The following FCER1A variants were observed in gnomAD, a reference collection of about 807,000 sequenced individuals.
FCER1A encodes high affinity immunoglobulin epsilon receptor subunit alpha.
In FCER1A, 24 loss-of-function variants were observed where a neutral mutation model predicts 23.6. That is an observed-to-expected ratio of 1.02 (90% CI 0.74 to 1.43). The LOEUF is 1.43. Among genes scored for constraint, FCER1A ranks in the 40% most tolerant of loss-of-function variants. FCER1A has a pLI of 0.00. For synonymous variants in FCER1A, 121 were observed against 108.8 expected, an observed-to-expected ratio of 1.11 and a Z score of -0.70; for missense variants, 318 against 294.5, an observed-to-expected ratio of 1.08 and a Z score of -0.58.
intron 2 of FCER1A, among the ~76,000 whole-genome samples, chr1:159,303,699 TCTC>T (rs760596208): frequency 1.3e-5 from 2 of 152,202 alleles, no homozygotes; most frequent in Non-Finnish European, 2.9e-5. Flanking sequence ...TGTTTTTAAA[TCTC>T]CTGCATATGT....
In FCER1A at chr1:159,302,859, G is replaced by T; in HGVS notation, c.61G>T (p.Asp21Tyr). Residue 21 changes from aspartate to tyrosine, a missense_variant, in exon 2 of 5, where the codon GAT (aspartate) becomes TAT (tyrosine). Asp to Tyr is a radical substitution (Grantham distance 160). Coordinates refer to ENST00000693622, the MANE Select transcript of FCER1A (RefSeq NM_001387280.1). ...TCCTCTCTGGACTTTTGCAGCTCCA[G>T]ATGGCGTGTTAGCAGGTGAGTCCTC... ...LCVALLFFAPDGVLAVPQKPK... is the reference protein window; with the variant it reads ...LCVALLFFAPYGVLAVPQKPK... The T allele has an allele frequency of 1.9e-6, 3 of 1,614,008 alleles. No homozygotes were observed. The highest frequency in any genetic ancestry group is 2.5e-6 in the Non-Finnish European group (3 of 1,179,842).
At chr1:159,294,617 A>G (rs2102219711) in intron 1 of FCER1A, among the ~76,000 whole-genome samples, 1 of 152,290 alleles carries the variant, frequency 6.6e-6, no homozygotes, top group Non-Finnish European at 1.5e-5. Flanking sequence ...CCAAGGGAAA[A>G]GATCTTGTCT....
At chr1:159,284,447 T>C in the FCER1A span, among the ~76,000 whole-genome samples, 5 of 152,244 alleles carry the variant, frequency 3.3e-5, no homozygotes, top group African/African-American at 9.6e-5. Flanking sequence ...CCATGTGAGA[T>C]GTTTGAGTAA....
At chr1:159,301,926 T>C (rs1032458830), upstream of FCER1A, among the ~76,000 whole-genome samples, 8 of 152,204 alleles carry the variant, frequency 5.3e-5, no homozygotes, top group Non-Finnish European at 1.0e-4. Context: ...CTTTATAGGA[T>C]TATTGTGAAA....
chr1:159,300,205 A>G (rs2102225981), upstream of FCER1A, among the ~76,000 whole-genome samples: 1 of 152,310 alleles, frequency 6.6e-6, no homozygotes, highest in Middle Eastern at 3.4e-3. Flanking sequence ...CGAACTAGGA[A>G]TAGTACCTCT....
chr1:159,288,820 A>G (rs1330437061), upstream of FCER1A, among the ~76,000 whole-genome samples: 1 of 152,170 alleles, frequency 6.6e-6, no homozygotes, highest in African/African-American at 2.4e-5. Context: ...CTTCAACTAA[A>G]GCAGCAGCAG....
intron 2 of FCER1A, among the ~76,000 whole-genome samples, chr1:159,303,251 G>GT (rs1557969461): frequency 6.6e-6 from 1 of 151,926 alleles, no homozygotes; most frequent in East Asian, 1.9e-4. Context: ...GGATTTCAAC[G>GT]TAAGTTCCTT....
chr1:159,306,310 G>T, intron 4 of FCER1A, 65 bp downstream of exon 4: 1 of 1,542,064 alleles, frequency 6.5e-7, no homozygotes, highest in Non-Finnish European at 8.8e-7. Flanking sequence ...TTCTGAGCCT[G>T]AGCAGTTGCA....
intron 4 of FCER1A, 118 bp downstream of exon 4, chr1:159,306,363 C>T (rs2252226): frequency 0.58 from 522,364 of 907,100 alleles, 156,426 homozygotes; most frequent in African/African-American, 0.89. Flanking sequence ...GAAAGCCTAC[C>T]AGACTTGCAA....
At chr1:159,293,004 C>T (rs943125445) in intron 1 of FCER1A, among the ~76,000 whole-genome samples, 1 of 151,676 alleles carries the variant, frequency 6.6e-6, no homozygotes, top group Non-Finnish European at 1.5e-5. Context: ...ACCAGATAGA[C>T]CCCTTGACCT....
chr1:159,305,862 G>A (rs1652588351), intron 3 of FCER1A, 126 bp from the exon 4 acceptor site: 1 of 829,280 alleles, frequency 1.2e-6, no homozygotes, highest in Non-Finnish European at 1.9e-6. Context: ...CACTTTATGA[G>A]CCAAAAAGTG....
At chr1:159,302,444 C>T (rs1354180598) in intron 1 of FCER1A, 25 bp downstream of exon 1, 1 of 1,511,814 alleles carries the variant, frequency 6.6e-7, no homozygotes, top group Non-Finnish European at 9.2e-7. Flanking sequence ...AATTACCCCT[C>T]CCAGGGAGGC....
chr1:159,302,911 A>G (rs1458036161), intron 2 of FCER1A, 37 bp downstream of exon 2: 2 of 1,591,776 alleles, frequency 1.3e-6, no homozygotes, highest in Non-Finnish European at 1.7e-6. Flanking sequence ...GTGTTTCAAC[A>G]TGTCTGGGCA....
upstream of FCER1A, chr1:159,302,194 G>A: frequency 1.5e-6 from 1 of 655,750 alleles, no homozygotes; most frequent in South Asian, 1.8e-5. Flanking sequence ...AAATTGCCCA[G>A]TTGGGCACCA....
chr1:159,299,797 G>C (rs1375186618), upstream of FCER1A, among the ~76,000 whole-genome samples: 1 of 151,942 alleles, frequency 6.6e-6, no homozygotes, highest in Non-Finnish European at 1.5e-5. Flanking sequence ...TAAAAAACCT[G>C]TGGCATTCAA....
intron 1 of FCER1A, among the ~76,000 whole-genome samples, chr1:159,296,051 A>G (rs987141010): frequency 6.6e-6 from 1 of 152,338 alleles, no homozygotes; most frequent in South Asian, 2.1e-4. Context: ...CAATATTTTG[A>G]AAAGGAAGAG....
At chr1:159,291,861 A>G (rs1210335248) in intron 1 of FCER1A, among the ~76,000 whole-genome samples, 1 of 152,144 alleles carries the variant, frequency 6.6e-6, no homozygotes, top group African/African-American at 2.4e-5. Context: ...TGCCATTGCT[A>G]AAGTCCCAAA....
At chr1:159,302,897 C>T (rs773625724) in intron 2 of FCER1A, 23 bp downstream of exon 2, 100 of 1,611,520 alleles carry the variant, frequency 6.2e-5, no homozygotes, top group African/African-American at 3.5e-4. Context: ...TTCTTGTTCC[C>T]TTGGTGTTTC....
the FCER1A span, among the ~76,000 whole-genome samples, chr1:159,284,144 A>T: frequency 6.6e-6 from 1 of 152,320 alleles, no homozygotes; most frequent in South Asian, 2.1e-4. Context: ...TATATAAATA[A>T]TATCAGGGTA....
Sources: allele counts gnomAD v4.1 joint callset (sites outside exome capture counted in the v4.1 genomes callset), GRCh38; gene constraint gnomAD v4.1.1; transcripts MANE v1.5; gene names NCBI Gene and HGNC (gene_info 2026-07-23, HGNC 2026-07-21).